Variants in CACNG2 observed in about 807,000 individuals in gnomAD.
CACNG2 encodes the protein voltage-dependent calcium channel gamma-2 subunit.
In CACNG2, 3 loss-of-function variants were observed where a neutral mutation model predicts 25.9. That is an observed-to-expected ratio of 0.12 (90% CI 0.05 to 0.30). The LOEUF (loss-of-function observed/expected upper bound fraction) is 0.30, where lower values mean the gene tolerates loss of function less well. CACNG2 is among the 10% of genes least tolerant of loss of function. The probability of loss-of-function intolerance (pLI) is 1.00; values close to 1 mark genes in which losing one functional copy is unlikely to be tolerated. For synonymous variants in CACNG2, 167 were observed against 173.3 expected (o/e 0.96, Z 0.29); for missense variants, 341 against 432.5 (o/e 0.79, Z 1.88).
intron 1 of CACNG2, among the ~76,000 whole-genome samples, chr22:36,608,882 C>G (rs1020040030): frequency 2.6e-5 from 4 of 152,246 alleles, no homozygotes; most frequent in Admixed American, 2.6e-4. Context: ...CTCTCAGTAC[C>G]TGCTAGCTAT....
intron 1 of CACNG2, among the ~76,000 whole-genome samples, chr22:36,629,889 C>T (rs1016678358): frequency 6.6e-6 from 1 of 152,102 alleles, no homozygotes; most frequent in African/African-American, 2.4e-5. Context: ...GGTGATGTGT[C>T]GCAAAGCCTA....
chr22:36,696,130 C>T (rs933192540), intron 1 of CACNG2, among the ~76,000 whole-genome samples: 4 of 152,148 alleles, frequency 2.6e-5, no homozygotes, highest in African/African-American at 7.2e-5. Flanking sequence ...GGGAAGCTCT[C>T]CCCCAGGATC....
intron 1 of CACNG2, among the ~76,000 whole-genome samples, chr22:36,651,484 C>A (rs1010610480): frequency 6.6e-6 from 1 of 152,124 alleles, no homozygotes; most frequent in Non-Finnish European, 1.5e-5. Context: ...CTGCCTTGGC[C>A]TCCCAAAGTG....
chr22:36,636,661 G>A (rs747496879), intron 1 of CACNG2, among the ~76,000 whole-genome samples: 10 of 152,220 alleles, frequency 6.6e-5, no homozygotes, highest in African/African-American at 1.2e-4. Context: ...CCGTACCCCC[G>A]TGGAACTTCT....
chr22:36,626,964 A>G (rs1048982742), intron 1 of CACNG2, among the ~76,000 whole-genome samples: 1 of 152,254 alleles, frequency 6.6e-6, no homozygotes, highest in Admixed American at 6.5e-5. Flanking sequence ...TAGAAGAGGA[A>G]ACTGAGGTTC....
chr22:36,598,436 G>T (rs964074142), intron 1 of CACNG2, among the ~76,000 whole-genome samples: 11 of 151,750 alleles, frequency 7.2e-5, no homozygotes, highest in Admixed American at 2.0e-4. Context: ...TGGCCAACAT[G>T]GTGAAACCCT....
intron 1 of CACNG2, among the ~76,000 whole-genome samples, chr22:36,595,020 T>C (rs1935656892): frequency 6.6e-6 from 1 of 150,520 alleles, no homozygotes; most frequent in Non-Finnish European, 1.5e-5. Flanking sequence ...AGTCTGCATA[T>C]GTGTGTGTGT....
intron 1 of CACNG2, among the ~76,000 whole-genome samples, chr22:36,685,548 T>C (rs1169622205): frequency 6.6e-6 from 1 of 152,180 alleles, no homozygotes; most frequent in Non-Finnish European, 1.5e-5. Context: ...CCTCTGGCCA[T>C]GTCCTGGTAA....
chr22:36,694,606 A>G (rs1443419623), intron 1 of CACNG2, among the ~76,000 whole-genome samples: 1 of 152,198 alleles, frequency 6.6e-6, no homozygotes. Context: ...GGAGGGTAAT[A>G]AGGAGAGGTG....
At chr22:36,645,187 G>C (rs2145970466) in intron 1 of CACNG2, among the ~76,000 whole-genome samples, 1 of 152,212 alleles carries the variant, frequency 6.6e-6, no homozygotes, top group East Asian at 1.9e-4. Flanking sequence ...CACACCTCTT[G>C]GCTCCCTCAC....
At chr22:36,657,495 G>C (rs913633875) in intron 1 of CACNG2, among the ~76,000 whole-genome samples, 2 of 152,112 alleles carry the variant, frequency 1.3e-5, no homozygotes, top group Non-Finnish European at 2.9e-5. Context: ...AGGTGTGCAC[G>C]TTGCTCCAGG....
intron 1 of CACNG2, among the ~76,000 whole-genome samples, chr22:36,627,661 T>A (rs76966482): frequency 3.2e-5 from 4 of 126,154 alleles, no homozygotes; most frequent in Non-Finnish European, 5.4e-5. Flanking sequence ...TTTTTTTTTT[T>A]AAAGAAACTG....
chr22:36,607,417 A>T (rs1387791420), intron 1 of CACNG2, among the ~76,000 whole-genome samples: 1 of 152,028 alleles, frequency 6.6e-6, no homozygotes, highest in Admixed American at 6.6e-5. Flanking sequence ...AATCATGCTC[A>T]GCTAATTTTT....
chr22:36,660,557 T>C (rs1488247180), intron 1 of CACNG2, among the ~76,000 whole-genome samples: 1 of 152,262 alleles, frequency 6.6e-6, no homozygotes, highest in Non-Finnish European at 1.5e-5. Flanking sequence ...CACACTGCGC[T>C]GAGCTCCCCT....
At chr22:36,640,560 C>T (rs556229222) in intron 1 of CACNG2, among the ~76,000 whole-genome samples, 43 of 152,328 alleles carry the variant, frequency 2.8e-4, no homozygotes, top group South Asian at 2.1e-4. Flanking sequence ...TGACTGCCTA[C>T]CCTTTCTGCA....
intron 1 of CACNG2, among the ~76,000 whole-genome samples, chr22:36,623,011 GGTTTTTTTTTTTT>G (rs1936131117): frequency 1.1e-5 from 1 of 93,224 alleles, no homozygotes; most frequent in African/African-American, 4.4e-5. Context: ...TCAAAACATG[GGTTTTTTTTTTTT>G]TTTTTTTTTT....
rs573331866 is a variant in CACNG2 at position 36,655,866 on chromosome 22, G to A, written c.211+46500C>T. On this transcript the variant is annotated intron_variant, in intron 1 of 3. Coordinates refer to ENST00000300105, the MANE Select transcript of CACNG2 (RefSeq NM_006078.5). ...CTTGTTGCCCAGGCTGGAGTGCAGT[G>A]GTGTGATCTCGGCTCACCGCAATCT... Among the ~76,000 whole-genome samples the A allele has an allele frequency of 1.4e-3, 213 of 147,546 alleles. 1 individual carries two copies. The highest frequency in any genetic ancestry group is 2.2e-3 in the Admixed American group (33 of 14,892).
chr22:36,613,096 A>G (rs1935969371), intron 1 of CACNG2, among the ~76,000 whole-genome samples: 1 of 151,748 alleles, frequency 6.6e-6, no homozygotes, highest in Non-Finnish European at 1.5e-5. Context: ...TGCATTGTCA[A>G]ACTCTAATGT....
At chr22:36,701,519 C>T (rs2284018) in intron 1 of CACNG2, among the ~76,000 whole-genome samples, 34,192 of 148,114 alleles carry the variant, frequency 0.23, 4,220 homozygotes, top group East Asian at 0.29. Context: ...CCACTCCCCC[C>T]TCAACCTCCC....
Sources: gnomAD v4.1 joint callset for allele counts (sites outside exome capture counted in the v4.1 genomes callset) on GRCh38, gnomAD v4.1.1 for gene constraint, MANE v1.5 for transcripts, NCBI Gene and HGNC (gene_info 2026-07-23, HGNC 2026-07-21) for gene names.